ZNF468: variants seen among roughly 807,000 people sequenced by gnomAD.
ZNF468 encodes zinc finger protein ZNF468.
ZNF468 carries 8 observed loss-of-function variants against 7.2 expected under a neutral mutation model. The ratio of observed to expected loss-of-function variants is 1.11; its 90% confidence interval spans 0.65 to 2.01. The LOEUF is 2.01. Among genes scored for constraint, ZNF468 ranks in the 30% most tolerant of loss-of-function variants. The pLI is 0.00. For synonymous variants in ZNF468, 218 were observed against 214.4 expected, an observed-to-expected ratio of 1.02 and a Z score of -0.15; for missense variants, 608 against 626.5, an observed-to-expected ratio of 0.97 and a Z score of 0.31.
At position 52,838,137 on chromosome 19, in the gene ZNF468, G is replaced by A. The variant is rs1314940585; in HGVS notation, c.*2588C>T. The stretch of plus-strand genomic sequence containing the variant: ...TGTACTAGCGAACTGTATTCAAGAG[G>A]ATATTAAAAGGATTGTAGATATGCA... On this transcript the variant is annotated 3_prime_UTR_variant, in exon 4 of 4. Coordinates refer to ENST00000595646, the MANE Select transcript of ZNF468 (RefSeq NM_001008801.2). 6.6e-6 allele frequency: 1 copy of A among 152,074 alleles called. No individual in the cohort carries two copies. Among genetic ancestry groups the A allele is most frequent in the East Asian group, 1.9e-4 (1 of 5,186 alleles). 9.4% of individuals were successfully genotyped at this position (152,074 alleles called of 1,614,324 possible).
rs368468758 is a variant in ZNF468 at position 52,841,686 on chromosome 19, G to T, written c.608C>A (p.Thr203Lys). ...TCTCATGTGTACTTCCCATTTTTGT[G>T]TGAGTAATGAAGAATGGAGGGAATT... Reference protein sequence around the residue: ...GNNSLHSSLLTQKWEVHMREK... With the variant: ...GNNSLHSSLLKQKWEVHMREK... Residue 203 changes from threonine to lysine, a missense_variant, in exon 4 of 4, where the codon ACA (threonine) becomes AAA (lysine). Physicochemically the swap from Thr to Lys is moderately conservative, Grantham distance 78. Transcript: ENST00000595646. 6 of 1,613,932 alleles carry T rather than the reference G, an allele frequency of 3.7e-6. No homozygotes were observed. The African/African-American group carries it at 8.0e-5, about 22-fold the overall frequency.
chr19:52,848,834 AG>A (rs1275956710), intron 3 of ZNF468, among the ~76,000 whole-genome samples: 3 of 152,196 alleles, frequency 2.0e-5, no homozygotes, highest in East Asian at 3.9e-4. Context: ...GACAGGTGTG[AG>A]CCACCACGAC....
In ZNF468 at chr19:52,841,468, A is replaced by G. The variant is rs1241533264; in HGVS notation, c.826T>C (p.Cys276Arg). The part of the protein sequence containing the change: ...TGEKPYKCNE[C>R]GKTFGHNSSL... ...GAATTATGACCAAAGGTCTTGCCAC[A>G]CTCATTACACTTGTAAGGTTTCTCA... Residue 276 changes from cysteine (C) to arginine (R), a missense_variant, in exon 4 of 4, where the codon TGT (cysteine) becomes CGT (arginine). Coordinates refer to ENST00000595646, the MANE Select transcript of ZNF468 (RefSeq NM_001008801.2). 1 of 1,614,058 alleles carries G rather than the reference A, an allele frequency of 6.2e-7. No homozygotes were observed. Among genetic ancestry groups the G allele is most frequent in the Admixed American group, 1.7e-5 (1 of 60,008 alleles).
In ZNF468 at chr19:52,842,199, T is replaced by A. The variant is rs776809100; in HGVS notation, c.143-48A>T. 4.9e-6 allele frequency: 7 copies of A among 1,432,856 alleles called. No homozygotes were observed. In the South Asian group the frequency reaches 1.0e-4, roughly 21 times the overall value. 88.8% of individuals were successfully genotyped at this position (1,432,856 alleles called of 1,614,324 possible). The stretch of plus-strand genomic sequence containing the variant: ...GGTTTCCAATTAAGTACAGACGGTA[T>A]ATAATACTGAAATGTGTAAATATCA... On this transcript the variant is annotated intron_variant, in intron 3 of 3. Coordinates refer to ENST00000595646, the MANE Select transcript of ZNF468 (RefSeq NM_001008801.2).
Position 52,840,034 on chromosome 19 carries a change from T to G in ZNF468, c.*691A>C. The G allele has an allele frequency of 7.7e-7, 1 of 1,294,354 alleles. No homozygotes were observed. Among genetic ancestry groups the G allele is most frequent in the Non-Finnish European group, 1.0e-6 (1 of 971,590 alleles). 80.2% of individuals were successfully genotyped at this position (1,294,354 alleles called of 1,614,324 possible). A position where few individuals can be genotyped will look rare whatever the true frequency, so the allele number is the denominator to read the frequency against. On this transcript the variant is annotated 3_prime_UTR_variant, in exon 4 of 4. Transcript: ENST00000595646. ...AAAGGGTTTGCCACACTCATTGCAC[T>G]TGTAAGGTTTCTCTCCAGTGTGAAT...
intron 1 of ZNF468, among the ~76,000 whole-genome samples, chr19:52,856,830 G>A: frequency 6.6e-6 from 1 of 152,010 alleles, no homozygotes; most frequent in Non-Finnish European, 1.5e-5. Context: ...TTTGCCATCT[G>A]TTATGGGTCT....
At chr19:52,850,616 T>G (rs558551394) in intron 2 of ZNF468, among the ~76,000 whole-genome samples, 28 of 150,628 alleles carry the variant, frequency 1.9e-4, no homozygotes, top group Non-Finnish European at 3.8e-4. Flanking sequence ...ATAACTATTA[T>G]GGGCCGGGCG....
intron 2 of ZNF468, among the ~76,000 whole-genome samples, chr19:52,853,581 C>G (rs537766081): frequency 3.9e-5 from 6 of 152,064 alleles, no homozygotes; most frequent in South Asian, 2.1e-4. Flanking sequence ...ACCCCAGCTA[C>G]TAGGTGGGCT....
intron 2 of ZNF468, chr19:52,854,034 T>C: frequency 1.3e-6 from 2 of 1,497,104 alleles, no homozygotes; most frequent in South Asian, 2.6e-5. Flanking sequence ...CATGTCGGGG[T>C]GTGAGCCCTT....
chr19:52,857,302 G>T (rs1042370603), intron 1 of ZNF468, among the ~76,000 whole-genome samples: 2 of 152,212 alleles, frequency 1.3e-5, no homozygotes, highest in African/African-American at 4.8e-5. Context: ...CGTGCGGAAG[G>T]AGTCAAAAAA....
intron 3 of ZNF468, among the ~76,000 whole-genome samples, chr19:52,842,843 A>AG (rs1568676245): frequency 9.3e-6 from 1 of 107,464 alleles, no homozygotes; most frequent in African/African-American, 3.8e-5. Flanking sequence ...AAAAAAAAAG[A>AG]CATGGCATGG....
Position 52,841,748 on chromosome 19 carries a change from A to G in ZNF468, c.546T>C (p.Cys182=). ...SSVSTSQRIC[C]RPKTHISNKY... ...TATTAGAAATATGGGTTTTGGGCCTACAACAAATTCTTTGGGATGTTGAAA... is the reference window on the plus strand; with the variant it reads ...TATTAGAAATATGGGTTTTGGGCCTGCAACAAATTCTTTGGGATGTTGAAA... Residue 182 remains cysteine (C), a synonymous_variant, in exon 4 of 4, where the codon TGT becomes TGC. Coordinates refer to ENST00000595646, the MANE Select transcript of ZNF468 (RefSeq NM_001008801.2). 1 of 1,614,086 alleles carries G rather than the reference A, an allele frequency of 6.2e-7. No homozygotes were observed. The highest frequency in any genetic ancestry group is 8.5e-7 in the Non-Finnish European group (1 of 1,180,008).
chr19:52,841,347 C>T lies in ZNF468; in HGVS notation c.947G>A (p.Arg316Lys). Residue 316 changes from arginine (R) to lysine (K), a missense_variant, in exon 4 of 4, where the codon AGA (arginine) becomes AAA (lysine). Arg to Lys is a conservative substitution (Grantham distance 26). Coordinates refer to ENST00000595646, the MANE Select transcript of ZNF468 (RefSeq NM_001008801.2). Reference sequence around the variant, plus strand: ...CTCTCCAGTATGAATCCTCTTATGTCTTTCAAGGTGTGATTTGCGACTGAA... The same window carrying T: ...CTCTCCAGTATGAATCCTCTTATGTTTTTCAAGGTGTGATTTGCGACTGAA... Reference protein sequence around the residue: ...KVFSRKSHLERHKRIHTGEKP... With the variant: ...KVFSRKSHLEKHKRIHTGEKP... 3 of 1,613,958 alleles carry T rather than the reference C, an allele frequency of 1.9e-6. No homozygotes were observed. The highest frequency in any genetic ancestry group is 2.5e-6 in the Non-Finnish European group (3 of 1,179,954).
chr19:52,847,800 G>A (rs1384648092), intron 3 of ZNF468, among the ~76,000 whole-genome samples: 7 of 152,094 alleles, frequency 4.6e-5, no homozygotes, highest in Non-Finnish European at 1.0e-4. Flanking sequence ...TTTCCCTGCT[G>A]ACCTTCTCCC....
At chr19:52,855,369 G>C (rs975158670) in intron 1 of ZNF468, among the ~76,000 whole-genome samples, 1 of 152,164 alleles carries the variant, frequency 6.6e-6, no homozygotes, top group African/African-American at 2.4e-5. Context: ...ATAAGAGCAG[G>C]GACAACAACC....
chr19:52,845,681 C>CTAAA (rs1178108618), intron 3 of ZNF468, among the ~76,000 whole-genome samples: 3 of 151,486 alleles, frequency 2.0e-5, no homozygotes, highest in South Asian at 2.1e-4. Flanking sequence ...AACTAACTAA[C>CTAAA]TAAATAAATA....
Position 52,838,301 on chromosome 19 carries a change from T to A in ZNF468, c.*2424A>T, listed in dbSNP as rs1489578597. 1 of 152,126 alleles carries A rather than the reference T, an allele frequency of 6.6e-6. No homozygotes were observed. The highest frequency in any genetic ancestry group is 1.5e-5 in the Non-Finnish European group (1 of 68,020). 9.4% of individuals were successfully genotyped at this position (152,126 alleles called of 1,614,324 possible). ...AAAAAGCATTTCACAAAAGTCAACA[T>A]CAAGTCATCATAGAAATCCCACACA... On this transcript the variant is annotated 3_prime_UTR_variant, in exon 4 of 4. Transcript: ENST00000595646.
intron 2 of ZNF468, among the ~76,000 whole-genome samples, chr19:52,849,893 AC>A (rs1235506830): frequency 1.3e-5 from 2 of 152,032 alleles, no homozygotes; most frequent in Non-Finnish European, 2.9e-5. Flanking sequence ...ACAAAGCAAG[AC>A]CCCGTCTCAA....
At position 52,839,052 on chromosome 19, in the gene ZNF468, A is replaced by G. The variant is rs2063271941; in HGVS notation, c.*1673T>C. 1 of 152,232 alleles carries G rather than the reference A, an allele frequency of 6.6e-6. No homozygotes were observed. Among genetic ancestry groups the G allele is most frequent in the Admixed American group, 6.6e-5 (1 of 15,258 alleles). 9.4% of individuals were successfully genotyped at this position (152,232 alleles called of 1,614,324 possible). A position where few individuals can be genotyped will look rare whatever the true frequency, so the allele number is the denominator to read the frequency against. ...TGGATCATAAAGTCAGAAGATAGAG[A>G]CCATTCTGGCTAACACGGTGAAACC... On this transcript the variant is annotated 3_prime_UTR_variant, in exon 4 of 4. Transcript: ENST00000595646.
Sources: allele counts gnomAD v4.1 joint callset (sites outside exome capture counted in the v4.1 genomes callset), GRCh38; gene constraint gnomAD v4.1.1; transcripts MANE v1.5; gene names NCBI Gene and HGNC (gene_info 2026-07-23, HGNC 2026-07-21).